PTK2: variants seen among roughly 807,000 people sequenced by gnomAD.
The protein encoded by PTK2 is focal adhesion kinase 1.
Under a neutral mutation model 150.1 loss-of-function variants are expected in PTK2, and 45 were observed. The observed-to-expected ratio is 0.30, with a 90% CI of 0.24 to 0.38. PTK2 has a LOEUF of 0.38. PTK2 is among the 10% of genes least tolerant of loss of function. The probability of loss-of-function intolerance (pLI) is 1.00; values close to 1 mark genes in which losing one functional copy is unlikely to be tolerated. For synonymous variants in PTK2, 432 were observed against 449.2 expected, an observed-to-expected ratio of 0.96 and a Z score of 0.48; for missense variants, 919 against 1,307.3, an observed-to-expected ratio of 0.70 and a Z score of 4.58.
At chr8:140,775,781 AAGCTAAGTTG>A (rs2100078066) in intron 14 of PTK2, among the ~76,000 whole-genome samples, 1 of 152,226 alleles carries the variant, frequency 6.6e-6, no homozygotes, top group African/African-American at 2.4e-5. Context: ...ATTAAAAAAC[AAGCTAAGTTG>A]AAAAGGACAC....
intron 21 of PTK2, among the ~76,000 whole-genome samples, chr8:140,738,289 T>C (rs575049327): frequency 2.6e-5 from 4 of 152,178 alleles, no homozygotes; most frequent in East Asian, 1.9e-4. Flanking sequence ...GGATAAGGTA[T>C]TCTGGGTAGA....
At chr8:140,977,725 C>G (rs893609544) in intron 1 of PTK2, among the ~76,000 whole-genome samples, 3 of 151,666 alleles carry the variant, frequency 2.0e-5, no homozygotes. Context: ...GCTTTATGAA[C>G]TAAATAAAAA....
intron 4 of PTK2, among the ~76,000 whole-genome samples, chr8:140,869,658 A>G (rs1266321689): frequency 3.3e-5 from 5 of 152,180 alleles, no homozygotes; most frequent in African/African-American, 4.8e-5. Context: ...TAGAGAATGA[A>G]ATTGGGAATG....
chr8:140,936,916 C>T (rs1377599209), intron 1 of PTK2, among the ~76,000 whole-genome samples: 1 of 151,852 alleles, frequency 6.6e-6, no homozygotes, highest in Non-Finnish European at 1.5e-5. Context: ...ATACTGCTTT[C>T]AGTTAATTAC....
At chr8:140,712,196 A>G (rs895404946) in intron 23 of PTK2, among the ~76,000 whole-genome samples, 1 of 141,806 alleles carries the variant, frequency 7.1e-6, no homozygotes. Context: ...ATCACATACT[A>G]AAAAAAAAAA....
intron 1 of PTK2, among the ~76,000 whole-genome samples, chr8:140,926,958 G>A (rs1160581045): frequency 6.6e-6 from 1 of 152,172 alleles, no homozygotes; most frequent in African/African-American, 2.4e-5. Flanking sequence ...TATATACAGA[G>A]ATCAAAGCTA....
chr8:140,789,440 T>A (rs1294136702), intron 14 of PTK2, 34 bp downstream of exon 14: 1 of 1,607,332 alleles, frequency 6.2e-7, no homozygotes, highest in South Asian at 1.1e-5. Flanking sequence ...CCCATGAGAG[T>A]GCTTTTCGAG....
intron 1 of PTK2, among the ~76,000 whole-genome samples, chr8:140,970,573 T>C (rs1047910473): frequency 3.1e-4 from 47 of 152,248 alleles, no homozygotes; most frequent in African/African-American, 1.1e-3. Flanking sequence ...TCCTGGCAAA[T>C]CTGCCAAGAA....
Position 140,776,520 on chromosome 8 carries a change from C to G in PTK2, c.1178-12230G>C, listed in dbSNP as rs1032498637. On this transcript the variant is annotated intron_variant, in intron 14 of 31. Coordinates refer to ENST00000522684, the Ensembl canonical transcript of PTK2. ...TAAGTACAGAGTTTATTTGCAGGAG[C>G]AATTTGGATTTGTTAATAGATTGGA... 5.9e-5 allele frequency among the ~76,000 whole-genome samples: 9 copies of G among 152,018 alleles called. 1 individual carries two copies. Among genetic ancestry groups the G allele is most frequent in the Admixed American group, 5.9e-4 (9 of 15,244 alleles).
intron 1 of PTK2, among the ~76,000 whole-genome samples, chr8:140,942,771 A>G (rs892844239): frequency 6.6e-6 from 1 of 152,212 alleles, no homozygotes; most frequent in Non-Finnish European, 1.5e-5. Flanking sequence ...GTGGATGGTG[A>G]TAAGGACTGG....
chr8:140,854,173 T>C (rs903287865), intron 5 of PTK2, among the ~76,000 whole-genome samples: 1 of 152,230 alleles, frequency 6.6e-6, no homozygotes, highest in African/African-American at 2.4e-5. Flanking sequence ...AAACCACTGA[T>C]TATTTAATGT....
At chr8:140,671,649 C>A (rs1309286165) in intron 29 of PTK2, among the ~76,000 whole-genome samples, 1 of 150,984 alleles carries the variant, frequency 6.6e-6, no homozygotes. Context: ...TGCGGTGGCT[C>A]ATGCCTGTAA....
intron 30 of PTK2, among the ~76,000 whole-genome samples, chr8:140,667,824 G>A (rs912734467): frequency 6.6e-6 from 1 of 152,072 alleles, no homozygotes; most frequent in East Asian, 1.9e-4. Flanking sequence ...CTCCTTACAG[G>A]TGCGGGATCT....
intron 26 of PTK2, chr8:140,687,275 C>T (rs2100020503): frequency 6.5e-6 from 1 of 153,504 alleles, no homozygotes; most frequent in Non-Finnish European, 1.4e-5. Flanking sequence ...TGAAAACAAC[C>T]CCGTGCTCCC....
intron 26 of PTK2, among the ~76,000 whole-genome samples, chr8:140,697,490 G>C (rs1217757000): frequency 6.6e-6 from 1 of 151,712 alleles, no homozygotes; most frequent in East Asian, 1.9e-4. Context: ...GCCCAGGCTG[G>C]AGTGCAGTGG....
exon 14 of PTK2, chr8:140,789,489 C>T (rs779715141): frequency 1.7e-5 from 28 of 1,613,160 alleles, no homozygotes; most frequent in Non-Finnish European, 2.3e-5. Context: ...ACAGAGACGG[C>T]GTGTGTCCGC....
At chr8:140,805,495 G>A (rs1436213024) in intron 10 of PTK2, among the ~76,000 whole-genome samples, 1 of 150,888 alleles carries the variant, frequency 6.6e-6, no homozygotes, top group Non-Finnish European at 1.5e-5. Context: ...GGAGTCAGAG[G>A]TTGCAGTGAG....
intron 22 of PTK2, among the ~76,000 whole-genome samples, chr8:140,728,517 T>C (rs1426951139): frequency 6.6e-6 from 1 of 152,152 alleles, no homozygotes; most frequent in East Asian, 1.9e-4. Flanking sequence ...ACATGGATTA[T>C]TTATTTATAT....
At chr8:140,978,694 T>G (rs1178239586) in intron 1 of PTK2, among the ~76,000 whole-genome samples, 1 of 151,588 alleles carries the variant, frequency 6.6e-6, no homozygotes, top group Non-Finnish European at 1.5e-5. Flanking sequence ...ATTGTGGAAG[T>G]CAGTGTGGTG....
Sources: gnomAD v4.1 joint callset for allele counts (sites outside exome capture counted in the v4.1 genomes callset) on GRCh38, gnomAD v4.1.1 for gene constraint, MANE v1.5 for transcripts, NCBI Gene and HGNC (gene_info 2026-07-23, HGNC 2026-07-21) for gene names.